The following MEOX2 variants were observed in gnomAD, a reference collection of about 807,000 sequenced individuals.
MEOX2 encodes the protein homeobox protein MOX-2.
MEOX2 carries 11 observed loss-of-function variants against 27.0 expected under a neutral mutation model. The ratio of observed to expected loss-of-function variants is 0.41; its 90% CI spans 0.26 to 0.68. The LOEUF is 0.68. Among genes scored for constraint, MEOX2 ranks in the 30% least tolerant of loss-of-function variants. The probability of loss-of-function intolerance (pLI) is 0.33; values close to 1 mark genes in which losing one functional copy is unlikely to be tolerated. For missense variants in MEOX2, 436 were observed against 385.4 expected (o/e 1.13, Z -1.10); for synonymous variants, 189 against 155.4 (o/e 1.22, Z -1.61).
intron 1 of MEOX2, among the ~76,000 whole-genome samples, chr7:15,672,846 C>T (rs1275512960): frequency 7.9e-5 from 12 of 151,008 alleles, no homozygotes; most frequent in East Asian, 1.9e-4. Context: ...GAGCCGAGAT[C>T]GTGCCACCGC....
At chr7:15,625,769 C>A (rs1417755298) in intron 2 of MEOX2, among the ~76,000 whole-genome samples, 1 of 152,036 alleles carries the variant, frequency 6.6e-6, no homozygotes, top group South Asian at 2.1e-4. Flanking sequence ...AGATTCTCCT[C>A]AGGGAAACAA....
intron 1 of MEOX2, among the ~76,000 whole-genome samples, chr7:15,671,345 C>T (rs1782093478): frequency 6.6e-6 from 1 of 152,176 alleles, no homozygotes; most frequent in African/African-American, 2.4e-5. Flanking sequence ...GAATCAGTAT[C>T]AGAGTCATTG....
chr7:15,642,478 T>A (rs1382310328), intron 1 of MEOX2, among the ~76,000 whole-genome samples: 3 of 152,190 alleles, frequency 2.0e-5, no homozygotes, highest in Admixed American at 6.5e-5. Context: ...ATTTTGCTTT[T>A]CTTTAATATA....
At chr7:15,653,303 CTATCCTTGGCCCACTTTCG>C (rs1781768556) in intron 1 of MEOX2, among the ~76,000 whole-genome samples, 1 of 151,982 alleles carries the variant, frequency 6.6e-6, no homozygotes, top group South Asian at 2.1e-4. Context: ...AAATCTCTTT[CTATCCTTGGCCCACTTTCG>C]TATTTGATTT....
intron 1 of MEOX2, among the ~76,000 whole-genome samples, chr7:15,673,597 CAAAAAAAAAAA>C (rs35223717): frequency 3.9e-5 from 3 of 76,194 alleles, no homozygotes; most frequent in Non-Finnish European, 7.5e-5. Context: ...ACAAGTCTAT[CAAAAAAAAAAA>C]AAAAAAAAAA....
chr7:15,648,525 G>C (rs1353862991), intron 1 of MEOX2, among the ~76,000 whole-genome samples: 1 of 152,042 alleles, frequency 6.6e-6, no homozygotes, highest in African/African-American at 2.4e-5. Context: ...TAGCAGGCCG[G>C]AGAAAGGGAT....
At chr7:15,685,830 CTCCGCCCCTTT>C in intron 1 of MEOX2, 45 bp downstream of exon 1, 1 of 1,537,500 alleles carries the variant, frequency 6.5e-7, no homozygotes, top group East Asian at 2.3e-5. Context: ...CCTAGTATCT[CTCCGCCCCTTT>C]TCCAGCCCGG....
At chr7:15,625,609 G>C (rs971111100) in intron 2 of MEOX2, among the ~76,000 whole-genome samples, 1 of 152,048 alleles carries the variant, frequency 6.6e-6, no homozygotes, top group African/African-American at 2.4e-5. Flanking sequence ...GGTTCCAATG[G>C]GATCCTGGAG....
chr7:15,637,929 C>G lies in MEOX2; in HGVS notation c.518-11011G>C, dbSNP rs555677532. Among the ~76,000 whole-genome samples the G allele has an allele frequency of 3.5e-3, 526 of 152,106 alleles. 3 individuals are homozygous for G. Among genetic ancestry groups the G allele is most frequent in the Non-Finnish European group, 6.0e-3 (411 of 67,970 alleles). The stretch of plus-strand genomic sequence containing the variant: ...GTATCAATTCAATAATACAAACCTA[C>G]TATTAGTAATATTAAACTTAAAATG... On this transcript the variant is annotated intron_variant, in intron 1 of 2. Transcript: ENST00000262041.
Position 15,685,984 on chromosome 7 carries a change from G to A in MEOX2, c.419C>T (p.Thr140Ile). 1.2e-6 allele frequency: 2 copies of A among 1,610,154 alleles called. No individual in the cohort carries two copies. The highest frequency in any genetic ancestry group is 1.7e-6 in the Non-Finnish European group (2 of 1,179,724). Reference protein sequence around the residue: ...NSSSLGSSTPTGAACAPGDYG... With the variant: ...NSSSLGSSTPIGAACAPGDYG... ...GTCCCCCGGCGCGCACGCGGCCCCA[G>A]TCGGGGTGCTGGAGCCCAAGCTGGA... Residue 140 changes from threonine to isoleucine, a missense_variant, in exon 1 of 3, where the codon ACT (threonine) becomes ATT (isoleucine). Physicochemically the swap from Thr to Ile is moderately conservative, Grantham distance 89 (BLOSUM62 -1). Coordinates refer to ENST00000262041, the MANE Select transcript of MEOX2 (RefSeq NM_005924.5).
chr7:15,625,286 A>G (rs1295768234), intron 2 of MEOX2, among the ~76,000 whole-genome samples: 5 of 152,202 alleles, frequency 3.3e-5, no homozygotes, highest in Admixed American at 3.3e-4. Flanking sequence ...GATGATGTAG[A>G]CTTTGGATCC....
intron 1 of MEOX2, among the ~76,000 whole-genome samples, chr7:15,656,153 T>C (rs1345707945): frequency 6.6e-6 from 1 of 151,822 alleles, no homozygotes; most frequent in East Asian, 1.9e-4. Flanking sequence ...CTCATATTAA[T>C]ATACCCACTC....
At chr7:15,623,873 A>T (rs755222132) in intron 2 of MEOX2, among the ~76,000 whole-genome samples, 1 of 152,236 alleles carries the variant, frequency 6.6e-6, no homozygotes, top group Non-Finnish European at 1.5e-5. Context: ...ATGAATTCTA[A>T]CAGGTATTTC....
At chr7:15,635,830 G>C (rs1017935137) in intron 1 of MEOX2, among the ~76,000 whole-genome samples, 3 of 151,934 alleles carry the variant, frequency 2.0e-5, no homozygotes, top group Non-Finnish European at 4.4e-5. Flanking sequence ...TACAAACGAA[G>C]CTGAAAGTTT....
At chr7:15,669,545 TA>T (rs1025984524) in intron 1 of MEOX2, among the ~76,000 whole-genome samples, 2 of 152,204 alleles carry the variant, frequency 1.3e-5, no homozygotes, top group Non-Finnish European at 2.9e-5. Context: ...TAATCTTTAT[TA>T]AAAATGAATT....
chr7:15,658,491 G>T (rs1781860452), intron 1 of MEOX2, among the ~76,000 whole-genome samples: 2 of 152,188 alleles, frequency 1.3e-5, no homozygotes, highest in Non-Finnish European at 2.9e-5. Context: ...ATATTGGTGT[G>T]TTGGATTTCT....
intron 1 of MEOX2, among the ~76,000 whole-genome samples, chr7:15,634,189 A>T (rs758262939): frequency 5.3e-5 from 8 of 151,994 alleles, no homozygotes; most frequent in Non-Finnish European, 8.8e-5. Flanking sequence ...CAGAGATTAT[A>T]GTTCTGAACC....
rs138916952 is a variant in MEOX2, at chr7:15,643,343, C to T, written c.518-16425G>A. ...AGCTGGAGGTGGCAAAGCTGGGTGA[C>T]GCTGGGTCAGGCAACTCAGCCACCA... On this transcript the variant is annotated intron_variant, in intron 1 of 2. Coordinates refer to ENST00000262041, the MANE Select transcript of MEOX2 (RefSeq NM_005924.5). Among the ~76,000 whole-genome samples, 1,016 of 152,232 alleles carry T rather than the reference C, an allele frequency of 6.7e-3. 7 individuals carry two copies. The highest frequency in any genetic ancestry group is 0.014 in the African/African-American group (598 of 41,552).
At chr7:15,630,001 G>T (rs1394125948) in intron 1 of MEOX2, among the ~76,000 whole-genome samples, 1 of 151,960 alleles carries the variant, frequency 6.6e-6, no homozygotes, top group Non-Finnish European at 1.5e-5. Context: ...GTGCTGAGGG[G>T]GGAATCTGGA....
Sources: gnomAD v4.1 joint callset for allele counts (sites outside exome capture counted in the v4.1 genomes callset) on GRCh38, gnomAD v4.1.1 for gene constraint, MANE v1.5 for transcripts, NCBI Gene and HGNC (gene_info 2026-07-23, HGNC 2026-07-21) for gene names.